The following KRT77 variants were observed in gnomAD, a reference collection of about 807,000 sequenced individuals.
KRT77 encodes keratin 77.
In KRT77, 44 loss-of-function variants were observed where a neutral mutation model predicts 51.5. The observed-to-expected ratio is 0.85, with a 90% CI of 0.67 to 1.10. The LOEUF is 1.10. KRT77 is among the 50% of genes least tolerant of loss of function. KRT77 has a pLI of 0.00. For missense variants in KRT77, 763 were observed against 743.9 expected, an observed-to-expected ratio of 1.03 and a Z score of -0.30; for synonymous variants, 293 against 302.0, an observed-to-expected ratio of 0.97 and a Z score of 0.31.
chr12:52,696,000 G>A lies in KRT77; in HGVS notation c.820-133C>T, dbSNP rs558055710. 5.0e-5 allele frequency: 33 copies of A among 656,690 alleles called. No individual in the cohort carries two copies. In the Middle Eastern group the frequency reaches 1.2e-3, roughly 25 times the overall value. The allele number at this position is 656,690 out of a possible 1,614,324, so 40.7% of individuals were successfully genotyped here. ...ACTTAAAAAATTCATCACCGCACTC[G>A]AATAAGGGACCCACAAGTCCTGGCT... On this transcript the variant is annotated intron_variant, in intron 3 of 8. Transcript: ENST00000341809.
chr12:52,702,641 T>C (rs1028841688), intron 1 of KRT77, among the ~76,000 whole-genome samples: 6 of 151,808 alleles, frequency 4.0e-5, no homozygotes, highest in Admixed American at 2.0e-4. Context: ...TGAATAATTA[T>C]GAATGAGAAT....
rs1941724359 is a variant in KRT77 at position 52,692,407 on chromosome 12, G to A, written c.1427+14C>T. On this transcript the variant is annotated intron_variant, in intron 7 of 8. Transcript: ENST00000341809. The stretch of plus-strand genomic sequence containing the variant: ...CTCAAGCCTTAGCCCCAGAAACACA[G>A]CTGCCAGACCCACCTGCTCTCCTCG... The A allele has an allele frequency of 1.9e-6, 3 of 1,613,340 alleles. No homozygotes were observed. The African/African-American group carries it at 4.0e-5, about 22-fold the overall frequency.
intron 1 of KRT77, among the ~76,000 whole-genome samples, chr12:52,699,744 C>G (rs983084582): frequency 5.9e-5 from 9 of 152,340 alleles, no homozygotes; most frequent in Admixed American, 5.9e-4. Context: ...TTTGCAGCCC[C>G]TTGTTCCTTG....
In KRT77 at chr12:52,691,303, C is replaced by T. The variant is rs543787765; in HGVS notation, c.1599G>A (p.Arg533=). The T allele has an allele frequency of 9.6e-4, 1,530 of 1,601,202 alleles. 11 individuals carry two copies. The African/African-American group carries it at 0.018, about 18-fold the overall frequency. The change falls in exon 9 of 9, where the codon AGG becomes AGA. Residue 533 remains arginine (R), a synonymous_variant. Coordinates refer to ENST00000341809, the MANE Select transcript of KRT77 (RefSeq NM_175078.3). ...AGCCGCTGCCATAACCGCCTCCACT[C>T]CTGCCTCGTGCCCCGCCTCCGCGGT... ...RSYRGGGARG[R]SGGGYGSGCG...
chr12:52,699,187 C>CTT (rs1246181994), intron 1 of KRT77, among the ~76,000 whole-genome samples: 4 of 152,208 alleles, frequency 2.6e-5, no homozygotes, highest in Non-Finnish European at 5.9e-5. Flanking sequence ...TCTGTGGTGG[C>CTT]ACTCCCAGGG....
rs770521015 is a variant in KRT77, at chr12:52,703,315, A to G, written c.120T>C (p.Ala40=). Residue 40 remains alanine, a synonymous_variant, in exon 1 of 9, where the codon GCT becomes GCC. Transcript: ENST00000341809. ...ATCCACCACCACCACACCTCCCTCG[A>G]GCATAACACACAGAACCCACTGCCG... is the stretch of plus-strand genomic sequence containing the variant. ...GSPAVGSVCY[A]RGRCGGGGYG... The G allele has an allele frequency of 3.7e-6, 6 of 1,613,902 alleles. No homozygotes were observed. The highest frequency in any genetic ancestry group is 5.1e-6 in the Non-Finnish European group (6 of 1,180,020).
intron 8 of KRT77, among the ~76,000 whole-genome samples, chr12:52,691,646 T>G (rs553540676): frequency 1.3e-5 from 2 of 152,230 alleles, no homozygotes; most frequent in African/African-American, 2.4e-5. Context: ...AGCAACACAC[T>G]TACATTGTTT....
At chr12:52,702,469 G>T (rs1372952189) in intron 1 of KRT77, among the ~76,000 whole-genome samples, 2 of 150,770 alleles carry the variant, frequency 1.3e-5, no homozygotes, top group African/African-American at 4.9e-5. Flanking sequence ...TGGGTGGATG[G>T]ATGGATGGAC....
rs1276443996 is a variant in KRT77, at chr12:52,692,506, C to T, written c.1342G>A (p.Asp448Asn). The T allele has an allele frequency of 6.2e-7, 1 of 1,614,088 alleles. No individual in the cohort carries two copies. The highest frequency in any genetic ancestry group is 8.5e-7 in the Non-Finnish European group (1 of 1,180,018). ...SKEELARLLR[D>N]YQAMLGVKLS... ...TTGACCCCCAGCATGGCCTGGTAGTCACGCAGCAGCCGGGCCAGCTCCTCC... is the reference window on the plus strand; with the variant it reads ...TTGACCCCCAGCATGGCCTGGTAGTTACGCAGCAGCCGGGCCAGCTCCTCC... Residue 448 changes from aspartate to asparagine, a missense_variant, in exon 7 of 9, where the codon GAC (aspartate) becomes AAC (asparagine). Asp to Asn is a conservative substitution (Grantham distance 23, BLOSUM62 1). Transcript: ENST00000341809.
rs755872634 is a variant in KRT77, at chr12:52,691,231, G to A, written c.1671C>T (p.Arg557=). 1.2e-5 allele frequency: 20 copies of A among 1,613,796 alleles called. No individual in the cohort carries two copies. The highest frequency in any genetic ancestry group is 1.7e-5 in the Non-Finnish European group (20 of 1,179,894). ...GGATGATCTGCACGCGCGAGGATCC[G>A]CGGCCGCTTCTGCCGCTCCCTCCGT... ...GSYGGSGRSG[R]GSSRVQIIQT... The change falls in exon 9 of 9, where the codon CGC becomes CGT. Residue 557 remains arginine (R), a synonymous_variant. Transcript: ENST00000341809.
chr12:52,702,392 A>T (rs912188199), intron 1 of KRT77, among the ~76,000 whole-genome samples: 1 of 151,980 alleles, frequency 6.6e-6, no homozygotes, highest in Non-Finnish European at 1.5e-5. Context: ...TGAGTGAATG[A>T]ACAGATGAAC....
At chr12:52,691,478 C>T (rs2684339) in intron 8 of KRT77, 39 bp from the exon 9 acceptor site, 1 of 1,514,742 alleles carries the variant, frequency 6.6e-7, no homozygotes, top group Middle Eastern at 2.0e-4. Flanking sequence ...TCAGAGGGAC[C>T]GGGCAAGGCC....
At chr12:52,692,308 G>A (rs1233089164) in intron 7 of KRT77, 113 bp downstream of exon 7, 24 of 1,191,142 alleles carry the variant, frequency 2.0e-5, no homozygotes, top group Non-Finnish European at 2.7e-5. Context: ...GCTCACCCTG[G>A]GCTACCAATC....
rs1941692859 is a variant in KRT77 at position 52,690,869 on chromosome 12, TGG to T, written c.*294_*295del. 3.8e-6 allele frequency: 2 copies of T among 527,094 alleles called. No homozygotes were observed. The highest frequency in any genetic ancestry group is 4.3e-5 in the South Asian group (2 of 46,496). The allele number at this position is 527,094 out of a possible 1,614,324, so 32.7% of individuals were successfully genotyped here. A position where few individuals can be genotyped will look rare whatever the true frequency, so the allele number is the denominator to read the frequency against. On this transcript the variant is annotated 3_prime_UTR_variant, in exon 9 of 9. Transcript: ENST00000341809. Reference sequence around the variant, plus strand: ...CTAACTGGAATGTTTGTGCTCACCCTGGGCTACCGATCTTCCAAAAAGGTGGG... The same window carrying T: ...CTAACTGGAATGTTTGTGCTCACCCTGCTACCGATCTTCCAAAAAGGTGGG...
chr12:52,692,962 C>T, intron 5 of KRT77, 82 bp from the exon 6 acceptor site: 2 of 1,489,642 alleles, frequency 1.3e-6, no homozygotes. Context: ...GGGCTGCTCT[C>T]CCCTGGGAGA....
At position 52,692,867 on chromosome 12, in the gene KRT77, T is replaced by G; in HGVS notation, c.1094A>C (p.Gln365Pro). 1 of 1,604,064 alleles carries G rather than the reference T, an allele frequency of 6.2e-7. No homozygotes were observed. Among genetic ancestry groups the G allele is most frequent in the African/African-American group, 1.3e-5 (1 of 74,842 alleles). Residue 365 changes from glutamine (Q) to proline (P), a missense_variant, in exon 6 of 9, where the codon CAG becomes CCG. Physicochemically the swap from Gln to Pro is moderately conservative, Grantham distance 76. Transcript: ENST00000341809. ...GTCTCCATGTCTCCCTGCCGTGATC[T>G]GGAGCTCCTGGTACTGGGGCCAAAG... is the stretch of plus-strand genomic sequence containing the variant. ...ALYQTKYQEL[Q>P]ITAGRHGDDL...
rs757585360 is a variant in KRT77, at chr12:52,696,397, G to C, written c.792C>G (p.Ser264Arg). The C allele has an allele frequency of 1.2e-6, 2 of 1,614,114 alleles. No homozygotes were observed. The highest frequency in any genetic ancestry group is 2.2e-5 in the South Asian group (2 of 91,082). The change falls in exon 3 of 9, where the codon AGC becomes AGG. Residue 264 changes from serine (S) to arginine (R), a missense_variant. Ser to Arg is a moderately radical substitution (Grantham distance 110). Coordinates refer to ENST00000341809, the MANE Select transcript of KRT77 (RefSeq NM_175078.3). ...YEDEINKRTG[S>R]ENDFVVLKKD... is the part of the protein sequence containing the mutation. ...TCTTCAGGACGACAAAGTCATTCTC[G>C]CTGCCAGTCCTCTTGTTGATTTCAT...
At chr12:52,692,983 C>A in intron 5 of KRT77, 103 bp from the exon 6 acceptor site, 1 of 1,360,660 alleles carries the variant, frequency 7.3e-7, no homozygotes, top group Non-Finnish European at 1.0e-6. Flanking sequence ...TTCCCACCCA[C>A]CTTGCACTGT....
At chr12:52,700,241 TA>T (rs144794415) in intron 1 of KRT77, among the ~76,000 whole-genome samples, 11 of 152,112 alleles carry the variant, frequency 7.2e-5, no homozygotes, top group East Asian at 1.9e-4. Flanking sequence ...GATTTGGTAA[TA>T]AAAAAAACAG....
Sources: allele counts gnomAD v4.1 joint callset (sites outside exome capture counted in the v4.1 genomes callset), GRCh38; gene constraint gnomAD v4.1.1; transcripts MANE v1.5; gene names NCBI Gene and HGNC (gene_info 2026-07-23, HGNC 2026-07-21).